Variants in SPATA13 observed in about 807,000 individuals in gnomAD.
SPATA13 encodes spermatogenesis-associated protein 13.
A neutral mutation model predicts 104.0 loss-of-function variants in SPATA13; 50 were observed. The ratio of observed to expected loss-of-function variants is 0.48; its 90% CI spans 0.38 to 0.61. The LOEUF (loss-of-function observed/expected upper bound fraction) is 0.61, where lower values mean the gene tolerates loss of function less well. Ranked by LOEUF, SPATA13 falls within the 20% of genes least tolerant of loss-of-function variation. SPATA13 has a pLI of 0.00. For synonymous variants in SPATA13, 606 were observed against 667.5 expected (o/e 0.91, Z 1.42); for missense variants, 1,524 against 1,690.6 (o/e 0.90, Z 1.73).
intron 4 of SPATA13, among the ~76,000 whole-genome samples, chr13:24,252,104 A>C (rs1593463629): frequency 6.6e-6 from 1 of 151,982 alleles, no homozygotes; most frequent in Non-Finnish European, 1.5e-5. Context: ...GTGTCCGTGT[A>C]CATACATTCC....
At chr13:24,217,687 AT>A (rs1378522798) in intron 1 of SPATA13, among the ~76,000 whole-genome samples, 1 of 152,216 alleles carries the variant, frequency 6.6e-6, no homozygotes, top group Admixed American at 6.5e-5. Context: ...AGACAGTGCA[AT>A]AGCAGGAAGT....
At chr13:24,278,933 C>CCTCT (rs1183913532) in intron 4 of SPATA13, 9,741 of 537,204 alleles carry the variant, frequency 0.018, 117 homozygotes, top group African/African-American at 0.034. Flanking sequence ...TCCCTCTTTC[C>CCTCT]TTCCTTCCTT....
At chr13:24,111,644 G>A (rs1394288350) in intron 3 of SPATA13, among the ~76,000 whole-genome samples, 2 of 152,156 alleles carry the variant, frequency 1.3e-5, no homozygotes, top group Non-Finnish European at 2.9e-5. Context: ...GGGCTCAAGC[G>A]ACCCGCCTGC....
chr13:24,240,667 A>C (rs979834309), intron 2 of SPATA13, among the ~76,000 whole-genome samples: 2 of 152,284 alleles, frequency 1.3e-5, no homozygotes, highest in Middle Eastern at 3.4e-3. Flanking sequence ...TAGTGTTTTT[A>C]TGCTCATGGA....
intron 3 of SPATA13, among the ~76,000 whole-genome samples, chr13:24,105,596 A>G (rs998716751): frequency 2.0e-5 from 3 of 152,146 alleles, no homozygotes; most frequent in Non-Finnish European, 4.4e-5. Flanking sequence ...TGAAGCAGCT[A>G]AAATAGGCCT....
chr13:24,148,905 T>A (rs987862285), intron 3 of SPATA13, among the ~76,000 whole-genome samples: 1 of 150,296 alleles, frequency 6.7e-6, no homozygotes, highest in East Asian at 1.9e-4. Context: ...TTATTCATGG[T>A]TTCCATGAGT....
Position 24,088,653 on chromosome 13 carries a change from G to C in SPATA13, c.-112+70952G>C, listed in dbSNP as rs1879812503. Among the ~76,000 whole-genome samples, 1 of 152,132 alleles carries C rather than the reference G, an allele frequency of 6.6e-6. No individual in the cohort carries two copies. Among genetic ancestry groups the C allele is most frequent in the South Asian group, 2.1e-4 (1 of 4,822 alleles). ...CCCAAAATGGAATAAAAAAATCAAA[G>C]CTCAGAATCACTGCCTTCCAGAAGG... On this transcript the variant is annotated intron_variant, in intron 3 of 14. Transcript: ENST00000424834. This position sits in a 1 kb window ranked among gnomAD's most constrained non-coding sequence, Gnocchi z 4.3.
intron 3 of SPATA13, among the ~76,000 whole-genome samples, chr13:24,027,134 GTTTT>G (rs59906180): frequency 8.9e-6 from 1 of 112,092 alleles, no homozygotes; most frequent in Non-Finnish European, 1.7e-5. Context: ...TTGTTTAGCC[GTTTT>G]TTTTTTTTTT....
At chr13:24,283,981 T>G (rs985182190) in intron 4 of SPATA13, among the ~76,000 whole-genome samples, 154 bp from the exon 5 acceptor site, 1 of 152,256 alleles carries the variant, frequency 6.6e-6, no homozygotes, top group African/African-American at 2.4e-5. Flanking sequence ...CTCTTAACTT[T>G]GGAGTAATGT....
At chr13:24,038,940 G>T (rs1877816915) in intron 3 of SPATA13, among the ~76,000 whole-genome samples, 1 of 152,158 alleles carries the variant, frequency 6.6e-6, no homozygotes, top group African/African-American at 2.4e-5. Context: ...CTCATCCCAG[G>T]CAATGGGCCA....
chr13:23,983,050 G>A (rs1874974398), intron 1 of SPATA13, among the ~76,000 whole-genome samples: 1 of 152,206 alleles, frequency 6.6e-6, no homozygotes, highest in Admixed American at 6.5e-5. Flanking sequence ...AGATTGAGAA[G>A]GAAGAGTCAA....
intron 1 of SPATA13, among the ~76,000 whole-genome samples, chr13:23,981,409 A>ATGTGCTGTGTACAGTGCTAGAC (rs1874888221): frequency 1.3e-5 from 2 of 152,224 alleles, no homozygotes; most frequent in Non-Finnish European, 2.9e-5. Flanking sequence ...AGGCTCTACT[A>ATGTGCTGTGTACAGTGCTAGAC]TGTGCTGTGT....
At chr13:24,189,492 TAC>T (rs1491122397) in intron 1 of SPATA13, among the ~76,000 whole-genome samples, 1,415 of 41,298 alleles carry the variant, frequency 0.034, 32 homozygotes, top group African/African-American at 0.057. Flanking sequence ...TCTATATATA[TAC>T]GTGTATATAT....
At chr13:24,092,003 C>T (rs746781076) in intron 3 of SPATA13, among the ~76,000 whole-genome samples, 1 of 152,182 alleles carries the variant, frequency 6.6e-6, no homozygotes, top group African/African-American at 2.4e-5. Context: ...GCCACAAAAT[C>T]ACCGTTCTTC....
At chr13:24,262,709 G>GT (rs1874114956) in intron 4 of SPATA13, among the ~76,000 whole-genome samples, 2 of 152,184 alleles carry the variant, frequency 1.3e-5, no homozygotes, top group South Asian at 4.1e-4. Flanking sequence ...TAAGTGTGCA[G>GT]TAACTATTAC....
rs1452976625 is a variant in SPATA13 at position 24,238,192 on chromosome 13, T to TATCTCCCA, written c.1654-11285_1654-11284insATCTCCCA. 5.9e-4 allele frequency among the ~76,000 whole-genome samples: 86 copies of TATCTCCCA among 146,528 alleles called. 1 individual carries two copies. The highest frequency in any genetic ancestry group is 2.1e-3 in the African/African-American group (84 of 39,692). ...TGCTCTATCTCCCAGACTCTTGCTC[T>TATCTCCCA]GTCTCCCAGACTGGAGTGCAGTGGC... On this transcript the variant is annotated intron_variant, in intron 2 of 12. Coordinates refer to ENST00000382108, the MANE Select transcript of SPATA13 (RefSeq NM_001166271.3).
intron 2 of SPATA13, among the ~76,000 whole-genome samples, chr13:23,984,939 C>G (rs1214718259): frequency 1.3e-5 from 2 of 152,196 alleles, no homozygotes; most frequent in African/African-American, 4.8e-5. Flanking sequence ...ATCTGTGTAA[C>G]CGGCCGGCGT....
intron 3 of SPATA13, among the ~76,000 whole-genome samples, chr13:24,071,524 A>C (rs755352433): frequency 3.3e-5 from 5 of 152,200 alleles, no homozygotes; most frequent in Non-Finnish European, 7.3e-5. Flanking sequence ...CTCACCCTGT[A>C]TCCTCAATCG....
intron 3 of SPATA13, among the ~76,000 whole-genome samples, chr13:24,093,572 T>C (rs1055804028): frequency 6.6e-5 from 10 of 152,188 alleles, no homozygotes; most frequent in Non-Finnish European, 1.3e-4. Context: ...AATGCTCCAT[T>C]GAAATCTGAT....
Sources: gnomAD v4.1 joint callset for allele counts (sites outside exome capture counted in the v4.1 genomes callset) on GRCh38, gnomAD v4.1.1 for gene constraint, Gnocchi (gnomAD v3.1) non-coding constraint, MANE v1.5 for transcripts, NCBI Gene and HGNC (gene_info 2026-07-23, HGNC 2026-07-21) for gene names.